TRRAP: variants seen among roughly 807,000 people sequenced by gnomAD.
TRRAP encodes transformation/transcription domain associated protein, also known as transformation/transcription domain-associated protein.
Under a neutral mutation model 438.8 loss-of-function variants are expected in TRRAP, and 41 were observed. The observed-to-expected ratio is 0.09, with a 90% CI of 0.07 to 0.12. The LOEUF (loss-of-function observed/expected upper bound fraction) is 0.12. Ranked by LOEUF, TRRAP falls within the 10% of genes least tolerant of loss-of-function variation. The pLI is 1.00. For missense variants in TRRAP, 3,122 were observed against 5,055.1 expected (o/e 0.62, Z 11.60); for synonymous variants, 1,994 against 1,962.9 (o/e 1.02, Z -0.42).
intron 51 of TRRAP, among the ~76,000 whole-genome samples, chr7:98,969,014 C>A (rs1256629746): frequency 6.6e-6 from 1 of 152,236 alleles, no homozygotes; most frequent in Non-Finnish European, 1.5e-5. Context: ...TCGACTCCCT[C>A]CTTCCTTTGC....
rs1791605564 is a variant in TRRAP at position 98,956,322 on chromosome 7, A to G, written c.6096+18A>G. On this transcript the variant is annotated intron_variant, in intron 42 of 72. Coordinates refer to ENST00000456197, the MANE Select transcript of TRRAP (RefSeq NM_001375524.1). This position sits in a 1 kb window ranked among gnomAD's most constrained non-coding sequence, Gnocchi z 4.5. ...ACCAGCAGGTAGGGGTGTCAGCCTCAGGGGTGCCCCGATCGTCTTCCTTTG... is the reference window on the plus strand; with the variant it reads ...ACCAGCAGGTAGGGGTGTCAGCCTCGGGGGTGCCCCGATCGTCTTCCTTTG... 2.5e-6 allele frequency: 4 copies of G among 1,613,634 alleles called. No individual in the cohort carries two copies. The highest frequency in any genetic ancestry group is 3.4e-6 in the Non-Finnish European group (4 of 1,179,706).
chr7:98,988,885 C>T lies in TRRAP; in HGVS notation c.9510C>T (p.His3170=), dbSNP rs1456447668. ...ENIFVKERQL[H]LGVSAITCYL... ...TCTTTGTGAAGGAGCGGCAGCTGCA[C>T]CTGGGCGTGTCTGCCATCACCTGCT... is the stretch of plus-strand genomic sequence containing the variant. The change falls in exon 63 of 73, where the codon CAC becomes CAT. Residue 3170 remains histidine, a synonymous_variant. Coordinates refer to ENST00000456197, the MANE Select transcript of TRRAP (RefSeq NM_001375524.1). 1.9e-6 allele frequency: 3 copies of T among 1,614,070 alleles called. No individual in the cohort carries two copies. The highest frequency in any genetic ancestry group is 2.5e-6 in the Non-Finnish European group (3 of 1,180,048).
intron 33 of TRRAP, among the ~76,000 whole-genome samples, chr7:98,946,486 CCACACATGCACA>C (rs1791068128): frequency 6.6e-6 from 1 of 151,030 alleles, no homozygotes; most frequent in African/African-American, 2.4e-5. Context: ...TGCACTCACA[CCACACATGCACA>C]CACACCACAC....
intron 58 of TRRAP, among the ~76,000 whole-genome samples, chr7:98,980,843 C>G (rs1792884234): frequency 6.6e-6 from 1 of 152,116 alleles, no homozygotes; most frequent in African/African-American, 2.4e-5. Context: ...CACTTGAGCC[C>G]AGGAGTTTGA....
intron 53 of TRRAP, among the ~76,000 whole-genome samples, chr7:98,972,937 G>A (rs1792483146): frequency 6.6e-6 from 1 of 152,136 alleles, no homozygotes; most frequent in Non-Finnish European, 1.5e-5. Flanking sequence ...CCTGATACAT[G>A]TGAGTGATAG....
chr7:98,988,565 A>G (rs1202592547), intron 62 of TRRAP, among the ~76,000 whole-genome samples, 200 bp from the exon 63 acceptor site: 1 of 152,220 alleles, frequency 6.6e-6, no homozygotes, highest in Non-Finnish European at 1.5e-5. Flanking sequence ...CGGTCAATCC[A>G]CAGAGACAGA....
Position 98,914,718 on chromosome 7 carries a change from CAAAAAA to C in TRRAP, c.2200-981_2200-976del, listed in dbSNP as rs71118646. Among the ~76,000 whole-genome samples the C allele has an allele frequency of 4.6e-4, 19 of 41,296 alleles. No homozygotes were observed. The East Asian group carries it at 0.013, about 28-fold the overall frequency. 27.1% of individuals were successfully genotyped at this position (41,296 alleles called of 152,430 possible). On this transcript the variant is annotated intron_variant, in intron 18 of 72. Transcript: ENST00000456197. ...TGGGAGACAGAGTGAGACCCTGTCT[CAAAAAA>C]AAAAAAAAAAAAAAAAAAAAAAAGA...
intron 47 of TRRAP, 43 bp downstream of exon 47, chr7:98,962,470 G>A (rs770946692): frequency 1.2e-6 from 2 of 1,612,820 alleles, no homozygotes; most frequent in East Asian, 4.5e-5. Context: ...GCTCAGTTTG[G>A]CCTCTTTCCC....
rs56031804 is a variant in TRRAP at position 98,974,092 on chromosome 7, C to T, written c.7840-2057C>T. Among the ~76,000 whole-genome samples, 404 of 152,264 alleles carry T rather than the reference C, an allele frequency of 2.7e-3. 2 individuals are homozygous for T. Among genetic ancestry groups the T allele is most frequent in the African/African-American group, 9.5e-3 (395 of 41,540 alleles). ...GCTGGTCCTCAGTAGGGTGTATGTTCTAGTGAGGGGAAATAATGAACAGAA... is the reference window on the plus strand; with the variant it reads ...GCTGGTCCTCAGTAGGGTGTATGTTTTAGTGAGGGGAAATAATGAACAGAA... On this transcript the variant is annotated intron_variant, in intron 53 of 72. Transcript: ENST00000456197.
intron 67 of TRRAP, among the ~76,000 whole-genome samples, chr7:99,002,097 AG>A (rs906115129): frequency 9.1e-6 from 1 of 109,588 alleles, no homozygotes; most frequent in African/African-American, 3.5e-5. Context: ...CATGCTGGCC[AG>A]GTGTTCGGGA....
At chr7:98,973,622 G>A (rs1792517638) in intron 53 of TRRAP, among the ~76,000 whole-genome samples, 1 of 152,148 alleles carries the variant, frequency 6.6e-6, no homozygotes. Context: ...AGAAAATCTT[G>A]CCCACAGATG....
Position 98,978,804 on chromosome 7 carries a change from C to T in TRRAP, c.8534C>T (p.Thr2845Met), listed in dbSNP as rs367803498. Residue 2845 changes from threonine to methionine, a missense_variant, in exon 58 of 73, where the codon ACG becomes ATG. Physicochemically the swap from Thr to Met is moderately conservative, Grantham distance 81. Around this residue, in one of 24 missense-constraint regions of TRRAP, gnomAD observed 992 missense variants for 1,281.2 expected, o/e 0.77. Coordinates refer to ENST00000456197, the MANE Select transcript of TRRAP (RefSeq NM_001375524.1). ...GAATTGAACCAGTGGGAAGCCCTGACGGAGTACGGTCAGTCCAAAGGCCAC... is the reference window on the plus strand; with the variant it reads ...GAATTGAACCAGTGGGAAGCCCTGATGGAGTACGGTCAGTCCAAAGGCCAC... ...SKELNQWEAL[T>M]EYGQSKGHIN... is the part of the protein sequence containing the mutation. 2.9e-5 allele frequency: 47 copies of T among 1,614,120 alleles called. No homozygotes were observed. Among genetic ancestry groups the T allele is most frequent in the South Asian group, 4.4e-5 (4 of 91,090 alleles).
Position 98,967,663 on chromosome 7 carries a change from A to G in TRRAP, c.7477A>G (p.Met2493Val), listed in dbSNP as rs1792216216. The G allele has an allele frequency of 5.6e-6, 9 of 1,614,034 alleles. No individual in the cohort carries two copies. The highest frequency in any genetic ancestry group is 7.6e-6 in the Non-Finnish European group (9 of 1,180,030). Residue 2493 changes from methionine (M) to valine (V), a missense_variant, in exon 51 of 73, where the codon ATG becomes GTG. Physicochemically the swap from Met to Val is conservative, Grantham distance 21. Transcript: ENST00000456197. Reference protein sequence around the residue: ...YVTCSQNWEAMGNHFWIKQCI... With the variant: ...YVTCSQNWEAVGNHFWIKQCI... ...GACCTGTTCGCAGAACTGGGAAGCCATGGGGAACCACTTCTGGATCAAGCA... is the reference window on the plus strand; with the variant it reads ...GACCTGTTCGCAGAACTGGGAAGCCGTGGGGAACCACTTCTGGATCAAGCA...
Position 98,930,353 on chromosome 7 carries a change from G to T in TRRAP, c.3393+147G>T, listed in dbSNP as rs957462645. On this transcript the variant is annotated intron_variant, in intron 24 of 72. Transcript: ENST00000456197. The stretch of plus-strand genomic sequence containing the variant: ...GCACTTTGAGAGGCCAAGGCGGGCG[G>T]CTCACCTGAGGTTGGGAGTTCGAGA... 7.0e-5 allele frequency: 74 copies of T among 1,049,704 alleles called. 2 individuals are homozygous for T. In the South Asian group the frequency reaches 1.2e-3, roughly 17 times the overall value. 65.0% of individuals were successfully genotyped at this position (1,049,704 alleles called of 1,614,324 possible).
At chr7:98,958,392 C>T (rs1791726307) in intron 44 of TRRAP, among the ~76,000 whole-genome samples, 1 of 151,942 alleles carries the variant, frequency 6.6e-6, no homozygotes, top group South Asian at 2.1e-4. Flanking sequence ...AGCTTCAACT[C>T]AGGTTCAAGC....
chr7:99,011,934 C>A lies in TRRAP; in HGVS notation c.11338-137C>A. ...CCAGCCCGTCCTGAGGGCACACAGC[C>A]TGGCCTGGTGCTGAAACTCGACTGG... On this transcript the variant is annotated intron_variant, in intron 72 of 72. Coordinates refer to ENST00000456197, the MANE Select transcript of TRRAP (RefSeq NM_001375524.1). This position sits in a 1 kb window ranked among gnomAD's most constrained non-coding sequence, Gnocchi z 7.1. The A allele has an allele frequency of 8.6e-7, 1 of 1,161,492 alleles. No homozygotes were observed. The highest frequency in any genetic ancestry group is 1.2e-6 in the Non-Finnish European group (1 of 831,586). The allele number at this position is 1,161,492 out of a possible 1,614,324, so 71.9% of individuals were successfully genotyped here. A position where few individuals can be genotyped will look rare whatever the true frequency, so the allele number is the denominator to read the frequency against.
chr7:98,982,953 G>C (rs1020387475), intron 59 of TRRAP, among the ~76,000 whole-genome samples: 1 of 152,290 alleles, frequency 6.6e-6, no homozygotes, highest in East Asian at 1.9e-4. Context: ...TGGACAGCAG[G>C]AGGAGGAGTT....
rs1554417391 is a variant in TRRAP, at chr7:98,948,530, A to G, written c.4669-36A>G. 1 of 1,614,108 alleles carries G rather than the reference A, an allele frequency of 6.2e-7. No individual in the cohort carries two copies. The highest frequency in any genetic ancestry group is 2.2e-5 in the East Asian group (1 of 44,890). On this transcript the variant is annotated intron_variant, in intron 34 of 72. Transcript: ENST00000456197. The surrounding 1 kb of genome is among the most constrained non-coding windows in gnomAD (Gnocchi z 4.9). The stretch of plus-strand genomic sequence containing the variant: ...GACAGCCTCAAGCTCTGAGAAGAGG[A>G]AGTTGTGAGATGCAGCATTCCCACA...
In TRRAP at chr7:98,935,668, G is replaced by C; in HGVS notation, c.4104G>C (p.Ala1368=). The change falls in exon 28 of 73, where the codon GCG becomes GCC. Residue 1368 remains alanine, a synonymous_variant. Transcript: ENST00000456197. ...CGTCACTCGTACCTTTACGAATTGC[G>C]GCATTAAGTAAGTTAATGAAAATCT... ...SLPSLVPLRI[A]ALNALAACNY... The C allele has an allele frequency of 6.3e-7, 1 of 1,587,276 alleles. No individual in the cohort carries two copies. Among genetic ancestry groups the C allele is most frequent in the Non-Finnish European group, 8.6e-7 (1 of 1,159,338 alleles).
Sources: gnomAD v4.1 joint callset for allele counts (sites outside exome capture counted in the v4.1 genomes callset) on GRCh38, gnomAD v4.1.1 for gene constraint, gnomAD v4.1.1 regional missense constraint, Gnocchi (gnomAD v3.1) non-coding constraint, MANE v1.5 for transcripts, NCBI Gene and HGNC (gene_info 2026-07-23, HGNC 2026-07-21) for gene names.